Variants in CCND3 observed in about 807,000 individuals in gnomAD.
CCND3 encodes the protein cyclin D3.
A neutral mutation model predicts 28.7 loss-of-function variants in CCND3; 9 were observed. The ratio of observed to expected loss-of-function variants is 0.31; its 90% CI spans 0.19 to 0.55. The LOEUF (loss-of-function observed/expected upper bound fraction) is 0.55. Among genes scored for constraint, CCND3 ranks in the 20% least tolerant of loss-of-function variants. The probability of loss-of-function intolerance (pLI) is 0.93; values close to 1 mark genes in which losing one functional copy is unlikely to be tolerated. For missense variants in CCND3, 315 were observed against 385.8 expected (o/e 0.82, Z 1.54); for synonymous variants, 164 against 163.9 (o/e 1.00, Z 0.00).
chr6:42,041,416 G>A (rs1764369330), intron 1 of CCND3, among the ~76,000 whole-genome samples: 1 of 152,104 alleles, frequency 6.6e-6, no homozygotes, highest in African/African-American at 2.4e-5. Context: ...AGGAAGAGAA[G>A]GCCTGGAGAA....
At chr6:41,988,741 C>T (rs1431981250) in intron 1 of CCND3, among the ~76,000 whole-genome samples, 2 of 138,382 alleles carry the variant, frequency 1.4e-5, no homozygotes, top group Non-Finnish European at 3.0e-5. Flanking sequence ...CTCTGTCGCC[C>T]AGGCTGGAGT....
chr6:41,970,923 T>C lies in CCND3; in HGVS notation c.-45-30338A>G, dbSNP rs185295461. 2.8e-3 allele frequency among the ~76,000 whole-genome samples: 423 copies of C among 152,210 alleles called. 2 individuals are homozygous for C. The highest frequency in any genetic ancestry group is 9.7e-3 in the African/African-American group (404 of 41,538). ...ACAAACTTGCTCCAGTTTCTTTTTT[T>C]TTTCCCCCCCTTGAGACAGAGTCTT... is the stretch of plus-strand genomic sequence containing the variant. On this transcript the variant is annotated intron_variant, in intron 1 of 4. Transcript: ENST00000372988.
At chr6:41,946,734 C>T (rs1776181735), upstream of CCND3, among the ~76,000 whole-genome samples, 1 of 149,110 alleles carries the variant, frequency 6.7e-6, no homozygotes, top group Non-Finnish European at 1.5e-5. Flanking sequence ...AATATTTGTA[C>T]AATATTTCAC....
chr6:42,034,217 G>C (rs980353990), intron 1 of CCND3, among the ~76,000 whole-genome samples: 1 of 150,042 alleles, frequency 6.7e-6, no homozygotes, highest in Non-Finnish European at 1.5e-5. Context: ...GTGCGATCTC[G>C]GCTCACTGCA....
intron 1 of CCND3, among the ~76,000 whole-genome samples, chr6:41,990,741 G>C (rs1294748432): frequency 7.4e-6 from 1 of 136,018 alleles, no homozygotes; most frequent in Admixed American, 8.6e-5. Flanking sequence ...TGGCAAAGTG[G>C]CAAAATCTCA....
At chr6:41,973,560 G>A (rs1762090894) in intron 1 of CCND3, among the ~76,000 whole-genome samples, 1 of 152,174 alleles carries the variant, frequency 6.6e-6, no homozygotes, top group South Asian at 2.1e-4. Flanking sequence ...GTAGAATGGA[G>A]TAGTGGTTAT....
chr6:41,935,607 C>A lies in CCND3; in HGVS notation c.*333G>T, dbSNP rs1775748862. ...ATTTTGGCAGTTGAAAACATGAGAG[C>A]CCCCAGGGGTGGGGGGGGGCGTTCA... On this transcript the variant is annotated 3_prime_UTR_variant, in exon 5 of 5. Coordinates refer to ENST00000372991, the MANE Select transcript of CCND3 (RefSeq NM_001760.5). 4.5e-6 allele frequency: 2 copies of A among 447,172 alleles called. No homozygotes were observed. Among genetic ancestry groups the A allele is most frequent in the Non-Finnish European group, 7.9e-6 (2 of 252,140 alleles). 27.7% of individuals were successfully genotyped at this position (447,172 alleles called of 1,614,324 possible).
chr6:42,036,306 T>TTTTATATATATA (rs1554168336), intron 1 of CCND3, among the ~76,000 whole-genome samples: 4 of 130,678 alleles, frequency 3.1e-5, no homozygotes, highest in East Asian at 2.4e-4. Flanking sequence ...AAATTATTAT[T>TTTTATATATATA]TATATATATA....
intron 1 of CCND3, among the ~76,000 whole-genome samples, chr6:41,982,649 A>G (rs1762380873): frequency 6.6e-6 from 1 of 152,184 alleles, no homozygotes; most frequent in Non-Finnish European, 1.5e-5. Flanking sequence ...AAGAACAAAG[A>G]CAGAGGGCTG....
Position 41,941,338 on chromosome 6 carries a change from C to A in CCND3, c.198+114G>T. On this transcript the variant is annotated intron_variant, in intron 1 of 4. Transcript: ENST00000372991. This position sits in a 1 kb window ranked among gnomAD's most constrained non-coding sequence, Gnocchi z 6.1. Reference sequence around the variant, plus strand: ...TAGTGAAAGGCCAGGCCCCGGGAGTCTTAGCCTCGGAGCATCCTGCAGATT... The same window carrying A: ...TAGTGAAAGGCCAGGCCCCGGGAGTATTAGCCTCGGAGCATCCTGCAGATT... 1 of 1,510,312 alleles carries A rather than the reference C, an allele frequency of 6.6e-7. No individual in the cohort carries two copies. The highest frequency in any genetic ancestry group is 8.8e-7 in the Non-Finnish European group (1 of 1,132,904). 93.6% of individuals were successfully genotyped at this position (1,510,312 alleles called of 1,614,324 possible). A position where few individuals can be genotyped will look rare whatever the true frequency, so the allele number is the denominator to read the frequency against.
At chr6:41,937,712 G>C (rs1484469882) in intron 2 of CCND3, 2 of 355,592 alleles carry the variant, frequency 5.6e-6, no homozygotes, top group South Asian at 3.4e-5. Context: ...TCAGGGCTCT[G>C]AGGATTTCTC....
chr6:42,026,293 C>T lies in CCND3; in HGVS notation c.-46+22208G>A, dbSNP rs186235171. Among the ~76,000 whole-genome samples the T allele has an allele frequency of 2.6e-5, 4 of 152,084 alleles. No individual in the cohort carries two copies. The East Asian group carries it at 7.8e-4, about 30-fold the overall frequency. Reference sequence around the variant, plus strand: ...CCCTCTCCCCCCGCCGCCCCCCTGCCAAGGGGAAAATATGGTGCTCCTCAA... The same window carrying T: ...CCCTCTCCCCCCGCCGCCCCCCTGCTAAGGGGAAAATATGGTGCTCCTCAA... On this transcript the variant is annotated intron_variant, in intron 1 of 4. Transcript: ENST00000372988.
At chr6:42,016,227 G>A (rs1387037976) in intron 1 of CCND3, among the ~76,000 whole-genome samples, 2 of 152,066 alleles carry the variant, frequency 1.3e-5, no homozygotes, top group East Asian at 1.9e-4. Context: ...GAGCCACTGC[G>A]CCCAGCCACA....
Position 41,988,548 on chromosome 6 carries a change from C to G in CCND3, c.-45-47963G>C, listed in dbSNP as rs541772582. ...TCTAAATGTATTCACAATACTGTTC[C>G]TAAAGGAGTACGGATTTCCTACAAC... On this transcript the variant is annotated intron_variant, in intron 1 of 4. Coordinates refer to the CCND3 transcript ENST00000372988. Among the ~76,000 whole-genome samples the G allele has an allele frequency of 2.0e-5, 3 of 152,158 alleles. No homozygotes were observed. The South Asian group carries it at 6.2e-4, about 32-fold the overall frequency.
In CCND3 at chr6:41,937,245, G is replaced by A; in HGVS notation, c.564C>T (p.Leu188=). Residue 188 remains leucine, a synonymous_variant, in exon 3 of 5, where the codon CTC becomes CTT. Transcript: ENST00000372991. The stretch of plus-strand genomic sequence containing the variant: ...GCATAGGGCTCTTACCTGTAGCACA[G>A]AGGGCCAAAAAGGTCTGGGCATGCT... The part of the protein sequence containing the change: ...VKKHAQTFLA[L]CATDYTFAMY... The A allele has an allele frequency of 1.2e-6, 2 of 1,614,124 alleles. No homozygotes were observed. The highest frequency in any genetic ancestry group is 1.7e-5 in the Admixed American group (1 of 60,006).
intron 1 of CCND3, among the ~76,000 whole-genome samples, chr6:41,959,279 A>G (rs1458080248): frequency 1.3e-5 from 2 of 151,976 alleles, no homozygotes; most frequent in Non-Finnish European, 2.9e-5. Flanking sequence ...GCCTCATTGC[A>G]CTCCAACCTG....
chr6:42,045,967 C>T (rs1201206234), intron 1 of CCND3, among the ~76,000 whole-genome samples: 2 of 152,174 alleles, frequency 1.3e-5, no homozygotes, highest in African/African-American at 4.8e-5. Flanking sequence ...AAGGTGCGTG[C>T]GTGGGAGAAG....
chr6:41,952,059 G>C (rs925538086), intron 1 of CCND3, among the ~76,000 whole-genome samples: 1 of 152,140 alleles, frequency 6.6e-6, no homozygotes, highest in Non-Finnish European at 1.5e-5. Flanking sequence ...ACCACGCCCA[G>C]CCTAGATCCC....
intron 1 of CCND3, among the ~76,000 whole-genome samples, chr6:41,989,694 G>A (rs997462062): frequency 7.2e-5 from 11 of 152,170 alleles, no homozygotes; most frequent in African/African-American, 2.7e-4. Context: ...TGGTGAGAAT[G>A]TGAAGCAACA....
Sources: allele counts gnomAD v4.1 joint callset (sites outside exome capture counted in the v4.1 genomes callset), GRCh38; gene constraint gnomAD v4.1.1; non-coding constraint Gnocchi (gnomAD v3.1); transcripts MANE v1.5; gene names NCBI Gene and HGNC (gene_info 2026-07-23, HGNC 2026-07-21).